SRPK2: variants seen among roughly 807,000 people sequenced by gnomAD.
The protein encoded by SRPK2 is SRSF protein kinase 2.
Under a neutral mutation model 90.8 loss-of-function variants are expected in SRPK2, and 21 were observed. The observed-to-expected ratio is 0.23, with a 90% CI of 0.16 to 0.33. SRPK2 has a LOEUF of 0.33. Among genes scored for constraint, SRPK2 ranks in the 10% least tolerant of loss-of-function variants. SRPK2 has a pLI of 1.00. For synonymous variants in SRPK2, 288 were observed against 311.1 expected (o/e 0.93, Z 0.78); for missense variants, 620 against 869.0 (o/e 0.71, Z 3.60).
chr7:105,173,684 G>A lies in SRPK2; in HGVS notation c.230-4419C>T, dbSNP rs139810333. On this transcript the variant is annotated intron_variant, in intron 3 of 15. Coordinates refer to ENST00000393651, the MANE Select transcript of SRPK2 (RefSeq NM_182692.3). ...CCCAGCACACAAGAAAACAAGTACA[G>A]TCACTAGACAAAGACTCAAACTTTA... 3.5e-3 allele frequency among the ~76,000 whole-genome samples: 540 copies of A among 152,274 alleles called. 3 individuals carry two copies. The highest frequency in any genetic ancestry group is 0.012 in the African/African-American group (510 of 41,558).
At chr7:105,285,385 CAAAAAAAAA>C (rs58399129) in intron 2 of SRPK2, among the ~76,000 whole-genome samples, 14 of 106,196 alleles carry the variant, frequency 1.3e-4, no homozygotes, top group East Asian at 2.5e-4. Context: ...ACCCCGTCTC[CAAAAAAAAA>C]AAAAAAAAAA....
At chr7:105,171,103 G>A (rs908102497) in intron 3 of SRPK2, among the ~76,000 whole-genome samples, 3 of 151,952 alleles carry the variant, frequency 2.0e-5, no homozygotes, top group Admixed American at 6.6e-5. Flanking sequence ...GGGACGGGAA[G>A]GGAGAGGAAG....
At position 105,358,552 on chromosome 7, in the gene SRPK2, G is replaced by T. The variant is rs551730545; in HGVS notation, c.71+30096C>A. The stretch of plus-strand genomic sequence containing the variant: ...AACACAAAAATTAGCCGGGCATGGT[G>T]GTTCTTGCCTGCCGTGTCAGTTACT... On this transcript the variant is annotated intron_variant, in intron 2 of 15. Coordinates refer to ENST00000393651, the MANE Select transcript of SRPK2 (RefSeq NM_182692.3). 1.3e-4 allele frequency among the ~76,000 whole-genome samples: 19 copies of T among 151,884 alleles called. 1 individual carries two copies. In the South Asian group the frequency reaches 4.0e-3, roughly 32 times the overall value.
At chr7:105,191,520 T>C (rs1794277350) in intron 3 of SRPK2, among the ~76,000 whole-genome samples, 1 of 152,180 alleles carries the variant, frequency 6.6e-6, no homozygotes, top group South Asian at 2.1e-4. Context: ...ATCACACCAC[T>C]GCCTTCCAGC....
chr7:105,388,558 C>T (rs2132850805), intron 2 of SRPK2, 90 bp downstream of exon 2: 2 of 1,243,736 alleles, frequency 1.6e-6, no homozygotes, highest in East Asian at 6.2e-5. Context: ...CCCGCCGGCC[C>T]GGGGACCCGG....
intron 2 of SRPK2, among the ~76,000 whole-genome samples, chr7:105,356,788 T>C (rs1220202704): frequency 1.3e-5 from 2 of 152,118 alleles, no homozygotes; most frequent in Non-Finnish European, 2.9e-5. Context: ...AAACCTTGGG[T>C]TAAAAATGCA....
intron 15 of SRPK2, among the ~76,000 whole-genome samples, chr7:105,118,899 C>T (rs777884950): frequency 2.0e-5 from 3 of 152,150 alleles, no homozygotes; most frequent in Non-Finnish European, 2.9e-5. Flanking sequence ...ACAGAGCAAG[C>T]GAAACCCTGT....
intron 3 of SRPK2, among the ~76,000 whole-genome samples, chr7:105,179,824 C>CAAAAAAAAAAAAAAAAA (rs1185836588): frequency 1.3e-4 from 8 of 60,270 alleles, no homozygotes; most frequent in East Asian, 5.2e-4. Flanking sequence ...GAGTCCATCT[C>CAAAAAAAAAAAAAAAAA]AAAAAAAAAA....
intron 2 of SRPK2, among the ~76,000 whole-genome samples, chr7:105,223,994 C>A (rs1305860898): frequency 6.6e-6 from 1 of 152,106 alleles, no homozygotes; most frequent in African/African-American, 2.4e-5. Context: ...ATATATTCCC[C>A]ACCTGGAATT....
intron 2 of SRPK2, among the ~76,000 whole-genome samples, chr7:105,303,171 G>A (rs1671796500): frequency 6.6e-6 from 1 of 152,174 alleles, no homozygotes; most frequent in Non-Finnish European, 1.5e-5. Context: ...GTAGGGACAT[G>A]GATGAAGCTG....
chr7:105,152,637 G>GGATA (rs1181841421), intron 7 of SRPK2, among the ~76,000 whole-genome samples: 1 of 152,162 alleles, frequency 6.6e-6, no homozygotes, highest in African/African-American at 2.4e-5. Context: ...TCATCCCCAT[G>GGATA]GATAGATCTC....
Position 105,159,448 on chromosome 7 carries a change from C to CAAAAAAAA in SRPK2, c.621+1051_621+1058dup, listed in dbSNP as rs765544583. ...GGGTGACAGAGCGAGACTCCGTCTC[C>CAAAAAAAA]AAAAAAAAAAAAAAAAAAAAAAAAA... On this transcript the variant is annotated intron_variant, in intron 7 of 15. Transcript: ENST00000393651. Among the ~76,000 whole-genome samples the CAAAAAAAA allele has an allele frequency of 3.3e-3, 109 of 33,022 alleles. 3 individuals are homozygous for CAAAAAAAA. The highest frequency in any genetic ancestry group is 4.1e-3 in the Non-Finnish European group (65 of 15,828). 21.7% of individuals were successfully genotyped at this position (33,022 alleles called of 152,430 possible). A position where few individuals can be genotyped will look rare whatever the true frequency, so the allele number is the denominator to read the frequency against.
intron 15 of SRPK2, among the ~76,000 whole-genome samples, chr7:105,121,189 T>C (rs1800302293): frequency 6.6e-6 from 1 of 151,516 alleles, no homozygotes; most frequent in Admixed American, 6.6e-5. Flanking sequence ...CTCTAATAAA[T>C]ACAAAATTGG....
At chr7:105,293,849 T>C (rs1192978361) in intron 2 of SRPK2, among the ~76,000 whole-genome samples, 2 of 152,224 alleles carry the variant, frequency 1.3e-5, no homozygotes, top group Non-Finnish European at 2.9e-5. Context: ...TCAATGCTTT[T>C]AGTATCTACA....
intron 2 of SRPK2, among the ~76,000 whole-genome samples, chr7:105,314,822 G>GACATTT (rs1721238114): frequency 6.6e-6 from 1 of 152,242 alleles, no homozygotes; most frequent in Admixed American, 6.5e-5. Flanking sequence ...GTCGAATAAT[G>GACATTT]AGAAATTCAT....
Position 105,375,245 on chromosome 7 carries a change from C to G in SRPK2, c.71+13403G>C, listed in dbSNP as rs199525290. Among the ~76,000 whole-genome samples the G allele has an allele frequency of 2.6e-5, 4 of 152,124 alleles. No individual in the cohort carries two copies. The East Asian group carries it at 5.8e-4, about 22-fold the overall frequency. ...AACTACAAATTCAATATTAACCCAACCCAATAGCAAAACAATACTGAGATA... is the reference window on the plus strand; with the variant it reads ...AACTACAAATTCAATATTAACCCAAGCCAATAGCAAAACAATACTGAGATA... On this transcript the variant is annotated intron_variant, in intron 2 of 15. Coordinates refer to ENST00000393651, the MANE Select transcript of SRPK2 (RefSeq NM_182692.3).
chr7:105,152,802 G>A (rs1805901068), intron 7 of SRPK2, among the ~76,000 whole-genome samples: 2 of 152,218 alleles, frequency 1.3e-5, no homozygotes, highest in African/African-American at 4.8e-5. Context: ...TTGGGAGGCC[G>A]AAATGGGCGG....
At chr7:105,244,033 G>A (rs1244812661) in intron 2 of SRPK2, among the ~76,000 whole-genome samples, 1 of 152,160 alleles carries the variant, frequency 6.6e-6, no homozygotes, top group Non-Finnish European at 1.5e-5. Flanking sequence ...GGAACTTCTA[G>A]AAGGAAAGAG....
chr7:105,149,989 T>C (rs547952047), intron 7 of SRPK2, among the ~76,000 whole-genome samples: 24 of 152,084 alleles, frequency 1.6e-4, no homozygotes, highest in Admixed American at 1.3e-3. Context: ...ACAGTCCTCA[T>C]ATCCTCACAG....
Sources: gnomAD v4.1 joint callset for allele counts (sites outside exome capture counted in the v4.1 genomes callset) on GRCh38, gnomAD v4.1.1 for gene constraint, MANE v1.5 for transcripts, NCBI Gene and HGNC (gene_info 2026-07-23, HGNC 2026-07-21) for gene names.